Variants in LDLRAD4 observed in about 807,000 individuals in gnomAD.
LDLRAD4 encodes the protein low-density lipoprotein receptor class A domain-containing protein 4.
A neutral mutation model predicts 17.0 loss-of-function variants in LDLRAD4; 5 were observed. The observed-to-expected ratio is 0.29, with a 90% CI of 0.15 to 0.62. The LOEUF (loss-of-function observed/expected upper bound fraction) is 0.62. Ranked by LOEUF, LDLRAD4 falls within the 20% of genes least tolerant of loss-of-function variation. The pLI, the probability that LDLRAD4 is intolerant of heterozygous loss-of-function variation, is 0.84. For missense variants in LDLRAD4, 340 were observed against 424.7 expected, an observed-to-expected ratio of 0.80 and a Z score of 1.75; for synonymous variants, 168 against 171.8, an observed-to-expected ratio of 0.98 and a Z score of 0.17.
chr18:13,633,413 C>G (rs1350505463), intron 4 of LDLRAD4, among the ~76,000 whole-genome samples: 1 of 152,212 alleles, frequency 6.6e-6, no homozygotes, highest in Non-Finnish European at 1.5e-5. Flanking sequence ...GCCCAGGAGC[C>G]TGTCTGCCTC....
intron 2 of LDLRAD4, among the ~76,000 whole-genome samples, chr18:13,435,181 C>T (rs1460387263): frequency 6.6e-6 from 1 of 152,218 alleles, no homozygotes; most frequent in Admixed American, 6.5e-5. Context: ...GAGGTGGAAG[C>T]CTGCCTCTGT....
intron 3 of LDLRAD4, among the ~76,000 whole-genome samples, chr18:13,507,800 G>A (rs1336052583): frequency 6.6e-6 from 1 of 152,122 alleles, no homozygotes; most frequent in African/African-American, 2.4e-5. Context: ...CAAGACACAA[G>A]AATATTGAAA....
chr18:13,538,307 G>C (rs6505825), intron 3 of LDLRAD4, among the ~76,000 whole-genome samples: 150,729 of 152,372 alleles, frequency 0.99, 74,577 homozygotes, highest in Middle Eastern at 1. Flanking sequence ...GCACTTGAAG[G>C]TGTAGACATT....
At chr18:13,586,962 G>GGAGTTC (rs963409988) in intron 3 of LDLRAD4, among the ~76,000 whole-genome samples, 9 of 152,118 alleles carry the variant, frequency 5.9e-5, no homozygotes, top group African/African-American at 2.2e-4. Context: ...AAAGGGGTTG[G>GGAGTTC]GAGTTCCAAG....
intron 1 of LDLRAD4, among the ~76,000 whole-genome samples, chr18:13,265,351 G>A (rs984556687): frequency 9.8e-5 from 15 of 152,300 alleles, no homozygotes; most frequent in Middle Eastern, 3.4e-3. Context: ...TACCTGTGTG[G>A]CCTGGACGGG....
At chr18:13,276,777 G>A (rs966440186), upstream of LDLRAD4, among the ~76,000 whole-genome samples, 10 of 152,142 alleles carry the variant, frequency 6.6e-5, no homozygotes, top group African/African-American at 1.7e-4. Context: ...TGTGGTATTC[G>A]GTTGGGTAGA....
intron 2 of LDLRAD4, among the ~76,000 whole-genome samples, chr18:13,390,632 AG>A (rs1413793335): frequency 1.3e-5 from 2 of 151,772 alleles, no homozygotes; most frequent in Non-Finnish European, 2.9e-5. Context: ...GAGAGAGGCC[AG>A]GGTGCTTGAG....
At chr18:13,568,269 G>A (rs1168058341) in intron 3 of LDLRAD4, among the ~76,000 whole-genome samples, 1 of 151,700 alleles carries the variant, frequency 6.6e-6, no homozygotes, top group Admixed American at 6.6e-5. Flanking sequence ...ACTCCAGCCT[G>A]GGTGACAGAG....
intron 2 of LDLRAD4, among the ~76,000 whole-genome samples, chr18:13,430,846 G>A (rs183885248): frequency 6.6e-5 from 10 of 152,174 alleles, no homozygotes; most frequent in South Asian, 4.2e-4. Context: ...CACCTTCTCC[G>A]CTGCCCTCCA....
intron 3 of LDLRAD4, among the ~76,000 whole-genome samples, chr18:13,540,079 A>C (rs1259383942): frequency 6.6e-6 from 1 of 152,226 alleles, no homozygotes; most frequent in Non-Finnish European, 1.5e-5. Context: ...GGAAATGAGG[A>C]AAGTCCACAG....
intron 1 of LDLRAD4, among the ~76,000 whole-genome samples, chr18:13,245,837 T>C (rs2145751192): frequency 6.6e-6 from 1 of 152,358 alleles, no homozygotes; most frequent in South Asian, 2.1e-4. Flanking sequence ...CTCTTGATTT[T>C]CTTGTCTCGG....
intron 3 of LDLRAD4, among the ~76,000 whole-genome samples, chr18:13,481,336 T>G (rs1391231031): frequency 6.6e-6 from 1 of 152,220 alleles, no homozygotes; most frequent in Non-Finnish European, 1.5e-5. Flanking sequence ...AGCTCTCACC[T>G]TGATGCTCCA....
intron 3 of LDLRAD4, among the ~76,000 whole-genome samples, chr18:13,580,530 A>G (rs1044379433): frequency 2.0e-5 from 3 of 152,210 alleles, no homozygotes; most frequent in African/African-American, 7.2e-5. Flanking sequence ...TGTTCTTGGG[A>G]TCAGTTTGAA....
At chr18:13,344,242 C>T (rs2082547539) in intron 1 of LDLRAD4, among the ~76,000 whole-genome samples, 1 of 152,162 alleles carries the variant, frequency 6.6e-6, no homozygotes, top group Non-Finnish European at 1.5e-5. Context: ...TTTATTCCAT[C>T]TTGAATTAAT....
rs572254012 is a variant in LDLRAD4 at position 13,637,701 on chromosome 18, A to G, written c.337-5658A>G. On this transcript the variant is annotated intron_variant, in intron 4 of 5. Coordinates refer to ENST00000359446, the Ensembl canonical transcript of LDLRAD4. Reference sequence around the variant, plus strand: ...GCCAACATGGTGAAACCCCGTCTCTACTAAAAATACAAAAATTAGCCAGGC... The same window carrying G: ...GCCAACATGGTGAAACCCCGTCTCTGCTAAAAATACAAAAATTAGCCAGGC... Among the ~76,000 whole-genome samples the G allele has an allele frequency of 5.9e-5, 9 of 152,148 alleles. No individual in the cohort carries two copies. The South Asian group carries it at 1.0e-3, about 18-fold the overall frequency.
At chr18:13,627,050 A>AGGAG (rs2041233795) in intron 4 of LDLRAD4, among the ~76,000 whole-genome samples, 1 of 152,200 alleles carries the variant, frequency 6.6e-6, no homozygotes, top group South Asian at 2.1e-4. Context: ...TGGGCAGATC[A>AGGAG]CTTGAGGTCA....
At chr18:13,237,137 T>C (rs566077221) in intron 1 of LDLRAD4, among the ~76,000 whole-genome samples, 41 of 152,344 alleles carry the variant, frequency 2.7e-4, no homozygotes, top group Non-Finnish European at 4.6e-4. Context: ...AGCTTGCTCT[T>C]GTTCTGGGCT....
intron 3 of LDLRAD4, among the ~76,000 whole-genome samples, chr18:13,601,497 A>G (rs986243337): frequency 6.6e-6 from 1 of 152,072 alleles, no homozygotes; most frequent in African/African-American, 2.4e-5. Flanking sequence ...CTGCAGAGAA[A>G]AGGGAACACT....
chr18:13,485,047 C>T (rs1027241689), intron 3 of LDLRAD4, among the ~76,000 whole-genome samples: 3 of 152,186 alleles, frequency 2.0e-5, no homozygotes, highest in South Asian at 2.1e-4. Flanking sequence ...TATTCTGCAG[C>T]GTATTTACTG....
Sources: gnomAD v4.1 joint callset for allele counts (sites outside exome capture counted in the v4.1 genomes callset) on GRCh38, gnomAD v4.1.1 for gene constraint, MANE v1.5 for transcripts, NCBI Gene and HGNC (gene_info 2026-07-23, HGNC 2026-07-21) for gene names.